Variants in SYN2 observed in about 807,000 individuals in gnomAD.
SYN2 encodes synapsin II, also known as synapsin-2.
A neutral mutation model predicts 50.9 loss-of-function variants in SYN2; 19 were observed. That is an observed-to-expected ratio of 0.37 (90% CI 0.26 to 0.55). The LOEUF is 0.55. SYN2 is among the 20% of genes least tolerant of loss of function. The probability of loss-of-function intolerance (pLI) is 0.81; values close to 1 mark genes in which losing one functional copy is unlikely to be tolerated. For missense variants in SYN2, 587 were observed against 576.4 expected, an observed-to-expected ratio of 1.02 and a Z score of -0.19; for synonymous variants, 255 against 224.9, an observed-to-expected ratio of 1.13 and a Z score of -1.20.
At chr3:12,097,876 G>A (rs1480669394) in intron 1 of SYN2, among the ~76,000 whole-genome samples, 4 of 152,070 alleles carry the variant, frequency 2.6e-5, no homozygotes, top group Non-Finnish European at 5.9e-5. Flanking sequence ...AGTGGGGAGG[G>A]ATAGCATTAG....
intron 1 of SYN2, among the ~76,000 whole-genome samples, chr3:12,107,541 C>A (rs1696220605): frequency 6.6e-6 from 1 of 152,162 alleles, no homozygotes; most frequent in South Asian, 2.1e-4. Context: ...TGCTAATGGT[C>A]ATCCGGAGAG....
At chr3:12,161,160 A>C (rs1443022404) in intron 5 of SYN2, among the ~76,000 whole-genome samples, 2 of 152,250 alleles carry the variant, frequency 1.3e-5, no homozygotes, top group African/African-American at 4.8e-5. Context: ...TGTGTTTTTA[A>C]AATAAAAATA....
intron 1 of SYN2, among the ~76,000 whole-genome samples, chr3:12,050,043 G>A (rs995980493): frequency 2.6e-5 from 4 of 152,146 alleles, no homozygotes; most frequent in African/African-American, 9.7e-5. Context: ...GGGATTACAG[G>A]CACCTGCCAC....
chr3:12,049,518 CA>C (rs111568530), intron 1 of SYN2, among the ~76,000 whole-genome samples: 51 of 21,274 alleles, frequency 2.4e-3, no homozygotes, highest in African/African-American at 6.8e-3. Context: ...GACTCCGTCT[CA>C]AAAAAAAAAA....
At chr3:12,073,948 A>G (rs1488254293) in intron 1 of SYN2, among the ~76,000 whole-genome samples, 2 of 152,186 alleles carry the variant, frequency 1.3e-5, no homozygotes, top group African/African-American at 2.4e-5. Context: ...GTTAAAATCT[A>G]CCACTTCAAT....
At chr3:12,157,498 A>C in intron 5 of SYN2, 3 of 1,613,670 alleles carry the variant, frequency 1.9e-6, no homozygotes, top group Non-Finnish European at 2.5e-6. Context: ...TAGGAAGAGA[A>C]AAGAGGGAAC....
In SYN2 at chr3:12,161,618, A is replaced by G. The variant is rs988497156; in HGVS notation, c.837+10A>G. 2.5e-6 allele frequency: 4 copies of G among 1,613,892 alleles called. No homozygotes were observed. The African/African-American group carries it at 4.0e-5, about 16-fold the overall frequency. ...CTCAGGCATGGGCAAGGTGAGGCAG[A>G]GAGGCCTGCTGTGCTTCAGGGTTGA... On this transcript the variant is annotated intron_variant, in intron 6 of 12. Coordinates refer to ENST00000621198, the MANE Select transcript of SYN2 (RefSeq NM_133625.6).
chr3:12,028,030 C>CCTCCCCA (rs1694302269), intron 1 of SYN2, among the ~76,000 whole-genome samples: 2 of 84,006 alleles, frequency 2.4e-5, no homozygotes, highest in South Asian at 5.5e-4. Context: ...TTCCCTCCCC[C>CCTCCCCA]CTCCCCACCA....
At chr3:12,159,039 A>C in intron 5 of SYN2, 3 of 672,294 alleles carry the variant, frequency 4.5e-6, no homozygotes, top group Non-Finnish European at 7.0e-6. Flanking sequence ...TCCGACCTGC[A>C]TACTCAGTAA....
At chr3:12,162,834 C>T (rs1697686151) in intron 7 of SYN2, among the ~76,000 whole-genome samples, 1 of 152,196 alleles carries the variant, frequency 6.6e-6, no homozygotes, top group Non-Finnish European at 1.5e-5. Flanking sequence ...TAAAAATTTC[C>T]TGCATTAGAA....
At chr3:12,088,898 G>C (rs1304774155) in intron 1 of SYN2, among the ~76,000 whole-genome samples, 1 of 152,134 alleles carries the variant, frequency 6.6e-6, no homozygotes, top group Non-Finnish European at 1.5e-5. Context: ...AAGGAGAACT[G>C]TTAGTTAAAG....
intron 1 of SYN2, among the ~76,000 whole-genome samples, chr3:12,034,708 A>G (rs385521): frequency 0.64 from 97,591 of 152,000 alleles, 33,860 homozygotes; most frequent in South Asian, 0.78. Context: ...CTCCCAGGAT[A>G]ACAGCATTTG....
intron 1 of SYN2, among the ~76,000 whole-genome samples, chr3:12,068,709 G>T (rs1250869798): frequency 6.6e-6 from 1 of 151,730 alleles, no homozygotes; most frequent in Non-Finnish European, 1.5e-5. Flanking sequence ...TTTTTAGGAA[G>T]ATTTCCTTGA....
At chr3:12,089,672 C>G (rs762774429) in intron 1 of SYN2, among the ~76,000 whole-genome samples, 1 of 152,046 alleles carries the variant, frequency 6.6e-6, no homozygotes, top group Non-Finnish European at 1.5e-5. Context: ...AGAAAAGAAT[C>G]TAGCAGGAAT....
intron 4 of SYN2, among the ~76,000 whole-genome samples, chr3:12,150,666 C>G (rs982407897): frequency 6.6e-6 from 1 of 152,206 alleles, no homozygotes; most frequent in African/African-American, 2.4e-5. Flanking sequence ...AAAGACTGGG[C>G]CTGTCTATCC....
At chr3:12,177,379 C>T (rs1698101231) in intron 10 of SYN2, among the ~76,000 whole-genome samples, 1 of 152,142 alleles carries the variant, frequency 6.6e-6, no homozygotes, top group African/African-American at 2.4e-5. Flanking sequence ...CAAGACAGTT[C>T]TTCTCCCAGT....
At chr3:12,102,683 C>T (rs1488954560) in intron 1 of SYN2, among the ~76,000 whole-genome samples, 1 of 152,032 alleles carries the variant, frequency 6.6e-6, no homozygotes, top group Non-Finnish European at 1.5e-5. Context: ...TATAATCAGG[C>T]CATATTCCTT....
At chr3:12,044,181 T>TCTCTCACACACA (rs573246278) in intron 1 of SYN2, among the ~76,000 whole-genome samples, 102 of 53,378 alleles carry the variant, frequency 1.9e-3, no homozygotes, top group African/African-American at 4.5e-3. Flanking sequence ...TCTCTCTCTC[T>TCTCTCACACACA]CACACACACA....
chr3:12,082,468 A>C (rs1181738338), intron 1 of SYN2, among the ~76,000 whole-genome samples: 3 of 152,256 alleles, frequency 2.0e-5, no homozygotes, highest in Non-Finnish European at 4.4e-5. Flanking sequence ...CCAAAGGCCA[A>C]ATTTGCGAAC....
Sources: gnomAD v4.1 joint callset for allele counts (sites outside exome capture counted in the v4.1 genomes callset) on GRCh38, gnomAD v4.1.1 for gene constraint, MANE v1.5 for transcripts, NCBI Gene and HGNC (gene_info 2026-07-23, HGNC 2026-07-21) for gene names.